Variants in GLIS3 observed in about 807,000 individuals in gnomAD.
The protein encoded by GLIS3 is GLIS family zinc finger 3, also known as zinc finger protein GLIS3.
GLIS3 carries 53 observed loss-of-function variants against 78.6 expected under a neutral mutation model. The ratio of observed to expected loss-of-function variants is 0.67; its 90% CI spans 0.54 to 0.85. The LOEUF (loss-of-function observed/expected upper bound fraction) is 0.85. Among genes scored for constraint, GLIS3 ranks in the 40% least tolerant of loss-of-function variants. The pLI, the probability that GLIS3 is intolerant of heterozygous loss-of-function variation, is 0.00. For missense variants in GLIS3, 1,703 were observed against 1,231.1 expected (o/e 1.38, Z -5.74); for synonymous variants, 684 against 509.9 (o/e 1.34, Z -4.60).
At position 4,286,331 on chromosome 9, in the gene GLIS3, C is replaced by T. The variant is rs375834888; in HGVS notation, c.95G>A (p.Arg32Gln). The change falls in exon 2 of 11, where the codon CGA (arginine) becomes CAA (glutamine). Residue 32 changes from arginine to glutamine, a missense_variant. Coordinates refer to ENST00000381971, the MANE Select transcript of GLIS3 (RefSeq NM_001042413.2). ...GGGGCCAGGAGTCCCGGAGTGGGCT[C>T]GGATGGCAGGAATGTGATGACCACT... ...MVSGHHIPAIRAHSGTPGPSP... is the reference protein window; with the variant it reads ...MVSGHHIPAIQAHSGTPGPSP... 50 of 1,614,060 alleles carry T rather than the reference C, an allele frequency of 3.1e-5. No homozygotes were observed. The highest frequency in any genetic ancestry group is 5.0e-5 in the Admixed American group (3 of 60,004).
At chr9:4,083,427 G>C (rs1828727798) in intron 4 of GLIS3, among the ~76,000 whole-genome samples, 2 of 152,002 alleles carry the variant, frequency 1.3e-5, no homozygotes, top group Non-Finnish European at 2.9e-5. Context: ...GTGAAATGCA[G>C]CTCCCAGCCT....
chr9:3,955,088 T>C (rs143523066), intron 4 of GLIS3, among the ~76,000 whole-genome samples: 3 of 151,964 alleles, frequency 2.0e-5, no homozygotes, highest in Non-Finnish European at 2.9e-5. Context: ...AGAGAGAGCA[T>C]AGGCTGGAGT....
intron 2 of GLIS3, among the ~76,000 whole-genome samples, chr9:4,203,258 C>G (rs113531004): frequency 6.6e-6 from 1 of 152,100 alleles, no homozygotes. Context: ...AAATGCAACT[C>G]CAAATCATAA....
chr9:3,986,244 A>G (rs1030986114), intron 4 of GLIS3, among the ~76,000 whole-genome samples: 1 of 152,206 alleles, frequency 6.6e-6, no homozygotes, highest in Non-Finnish European at 1.5e-5. Flanking sequence ...GAGAAGATGT[A>G]AATGTGTTCA....
At chr9:4,285,456 C>T (rs1219615189) in intron 2 of GLIS3, 1 of 152,226 alleles carries the variant, frequency 6.6e-6, no homozygotes, top group Non-Finnish European at 1.5e-5. Context: ...TCATTATTCC[C>T]TTCTAGCTTG....
the GLIS3 span, among the ~76,000 whole-genome samples, chr9:4,448,535 T>A: frequency 6.6e-6 from 1 of 152,256 alleles, no homozygotes; most frequent in East Asian, 1.9e-4. Context: ...CTTCTGCACA[T>A]TGTTGTTGTC....
intron 2 of GLIS3, among the ~76,000 whole-genome samples, chr9:4,224,527 G>A (rs990293269): frequency 3.3e-5 from 5 of 152,018 alleles, no homozygotes; most frequent in African/African-American, 7.3e-5. Flanking sequence ...TAACCTTATG[G>A]ACACTAAGAT....
Position 4,029,323 on chromosome 9 carries a change from T to C in GLIS3, c.1710+88445A>G, listed in dbSNP as rs1011166675. Among the ~76,000 whole-genome samples, 7 of 151,716 alleles carry C rather than the reference T, an allele frequency of 4.6e-5. No individual in the cohort carries two copies. The East Asian group carries it at 1.2e-3, about 25-fold the overall frequency. Reference sequence around the variant, plus strand: ...TGTGCTCCCCATCATTTTTAAAAAATGTTTGTGGGTTCATAGTAGGTGTAT... The same window carrying C: ...TGTGCTCCCCATCATTTTTAAAAAACGTTTGTGGGTTCATAGTAGGTGTAT... On this transcript the variant is annotated intron_variant, in intron 4 of 10. Transcript: ENST00000381971.
chr9:4,250,189 G>C (rs1214330970), intron 2 of GLIS3, among the ~76,000 whole-genome samples: 1 of 152,192 alleles, frequency 6.6e-6, no homozygotes, highest in Non-Finnish European at 1.5e-5. Flanking sequence ...GTTTCAGAAG[G>C]AATGGTACCA....
At chr9:4,133,741 G>A (rs1210892544) in intron 2 of GLIS3, among the ~76,000 whole-genome samples, 2 of 151,446 alleles carry the variant, frequency 1.3e-5, no homozygotes, top group African/African-American at 2.4e-5. Flanking sequence ...TCTCTCATAT[G>A]GTACCTTTCT....
At chr9:4,286,875 T>G (rs561857329) in intron 1 of GLIS3, among the ~76,000 whole-genome samples, 64 of 152,338 alleles carry the variant, frequency 4.2e-4, no homozygotes, top group African/African-American at 1.5e-3. Flanking sequence ...CTACAGTGGG[T>G]CTTGGGAAAC....
chr9:4,141,090 G>A lies in GLIS3; in HGVS notation c.389-15149C>T, dbSNP rs970148598. Among the ~76,000 whole-genome samples, 10 of 152,164 alleles carry A rather than the reference G, an allele frequency of 6.6e-5. No homozygotes were observed. The East Asian group carries it at 1.5e-3, about 23-fold the overall frequency. On this transcript the variant is annotated intron_variant, in intron 2 of 10. Transcript: ENST00000381971. ...TCAGAGATTATAGGTGTGAGCCACCGTGCCTGGCCAAATTCATCCTCTCTC... is the reference window on the plus strand; with the variant it reads ...TCAGAGATTATAGGTGTGAGCCACCATGCCTGGCCAAATTCATCCTCTCTC...
intron 4 of GLIS3, among the ~76,000 whole-genome samples, chr9:3,991,542 T>C (rs1282916985): frequency 6.6e-6 from 1 of 152,162 alleles, no homozygotes; most frequent in Non-Finnish European, 1.5e-5. Context: ...TATATCTTAA[T>C]TTGCCATACT....
chr9:4,221,292 T>C (rs2131331931), intron 2 of GLIS3, among the ~76,000 whole-genome samples: 1 of 152,330 alleles, frequency 6.6e-6, no homozygotes, highest in African/African-American at 2.4e-5. Flanking sequence ...GGGAATTCTT[T>C]ATATTATTCT....
At chr9:4,400,653 A>G in the GLIS3 span, among the ~76,000 whole-genome samples, 1 of 152,236 alleles carries the variant, frequency 6.6e-6, no homozygotes, top group Non-Finnish European at 1.5e-5. Context: ...CCTCACAACT[A>G]TCACATTGTC....
intron 4 of GLIS3, among the ~76,000 whole-genome samples, chr9:4,080,141 C>G (rs1828430808): frequency 6.6e-6 from 1 of 152,206 alleles, no homozygotes; most frequent in South Asian, 2.1e-4. Flanking sequence ...GGGTTGAAAA[C>G]CGTGTGCTGT....
the GLIS3 span, among the ~76,000 whole-genome samples, chr9:4,425,316 T>C: frequency 6.6e-6 from 1 of 152,202 alleles, no homozygotes; most frequent in Non-Finnish European, 1.5e-5. Context: ...ATCAAAGATA[T>C]CATTATGCAA....
At chr9:4,040,123 CA>C (rs1824675919) in intron 4 of GLIS3, among the ~76,000 whole-genome samples, 1 of 152,016 alleles carries the variant, frequency 6.6e-6, no homozygotes, top group East Asian at 1.9e-4. Flanking sequence ...CTTAACTGGC[CA>C]AATATTTACC....
chr9:4,421,397 G>T, the GLIS3 span, among the ~76,000 whole-genome samples: 11 of 152,200 alleles, frequency 7.2e-5, no homozygotes, highest in African/African-American at 1.4e-4. Flanking sequence ...CTATGAAAAA[G>T]GAAACCAAAG....
Sources: gnomAD v4.1 joint callset for allele counts (sites outside exome capture counted in the v4.1 genomes callset) on GRCh38, gnomAD v4.1.1 for gene constraint, MANE v1.5 for transcripts, NCBI Gene and HGNC (gene_info 2026-07-23, HGNC 2026-07-21) for gene names.